GULP1: variants seen among roughly 807,000 people sequenced by gnomAD.
GULP1 encodes GULP PTB domain containing engulfment adaptor 1.
In GULP1, 19 loss-of-function variants were observed where a neutral mutation model predicts 40.9. The observed-to-expected ratio is 0.46, with a 90% confidence interval of 0.32 to 0.68. GULP1 has a LOEUF of 0.68. Among genes scored for constraint, GULP1 ranks in the 30% least tolerant of loss-of-function variants. The pLI, the probability that GULP1 is intolerant of heterozygous loss-of-function variation, is 0.03. For synonymous variants in GULP1, 119 were observed against 117.6 expected (o/e 1.01, Z -0.08); for missense variants, 312 against 362.2 (o/e 0.86, Z 1.12).
intron 2 of GULP1, among the ~76,000 whole-genome samples, chr2:188,395,652 GTGTT>G (rs1559189684): frequency 2.0e-5 from 3 of 152,128 alleles, no homozygotes; most frequent in Admixed American, 6.5e-5. Flanking sequence ...GTCCCATGAG[GTGTT>G]CCCTTGATAT....
intron 3 of GULP1, among the ~76,000 whole-genome samples, chr2:188,481,236 T>C (rs1261711315): frequency 2.6e-5 from 4 of 152,006 alleles, no homozygotes; most frequent in Non-Finnish European, 5.9e-5. Flanking sequence ...TTTTCATATA[T>C]CTAATACCTT....
intron 2 of GULP1, among the ~76,000 whole-genome samples, chr2:188,434,906 T>C (rs1173338782): frequency 1.3e-5 from 2 of 152,068 alleles, no homozygotes; most frequent in Non-Finnish European, 2.9e-5. Flanking sequence ...TATAATCTTA[T>C]CACAACTTTA....
chr2:188,305,368 C>G (rs920123937), intron 1 of GULP1, among the ~76,000 whole-genome samples: 2 of 152,124 alleles, frequency 1.3e-5, no homozygotes, highest in African/African-American at 4.8e-5. Context: ...TGATTGACAA[C>G]CAACAGTGTA....
At chr2:188,361,773 A>G (rs918591194) in intron 1 of GULP1, among the ~76,000 whole-genome samples, 1 of 152,094 alleles carries the variant, frequency 6.6e-6, no homozygotes, top group Non-Finnish European at 1.5e-5. Context: ...TACCATGCCT[A>G]TGATGTATAT....
intron 1 of GULP1, among the ~76,000 whole-genome samples, chr2:188,316,837 G>A (rs2039157945): frequency 6.6e-6 from 1 of 151,994 alleles, no homozygotes; most frequent in African/African-American, 2.4e-5. Flanking sequence ...ATATTCCTAG[G>A]AACCCAAAAC....
At chr2:188,407,151 G>A (rs2053232986) in intron 2 of GULP1, among the ~76,000 whole-genome samples, 1 of 152,064 alleles carries the variant, frequency 6.6e-6, no homozygotes, top group Non-Finnish European at 1.5e-5. Context: ...ATTTTACCTG[G>A]AAGAGCTCTT....
intron 7 of GULP1, among the ~76,000 whole-genome samples, chr2:188,562,662 A>C (rs1004463172): frequency 3.3e-5 from 5 of 152,002 alleles, no homozygotes; most frequent in Non-Finnish European, 5.9e-5. Flanking sequence ...ACCAAAAAAA[A>C]CCCCCAAAAC....
chr2:188,471,342 A>G (rs904707254), intron 2 of GULP1, among the ~76,000 whole-genome samples: 3 of 151,686 alleles, frequency 2.0e-5, no homozygotes, highest in Admixed American at 6.6e-5. Context: ...TTTTGATTGG[A>G]GAGTTTCGTC....
chr2:188,580,481 AG>A, intron 9 of GULP1, among the ~76,000 whole-genome samples: 1 of 148,834 alleles, frequency 6.7e-6, no homozygotes, highest in East Asian at 2.0e-4. Flanking sequence ...TGAACCCGGG[AG>A]GCGGAGCTTG....
At chr2:188,339,871 G>C (rs2042737713) in intron 1 of GULP1, among the ~76,000 whole-genome samples, 1 of 152,136 alleles carries the variant, frequency 6.6e-6, no homozygotes, top group African/African-American at 2.4e-5. Flanking sequence ...TGTAAAATAG[G>C]AATCACTGCC....
chr2:188,341,305 G>T (rs1034066097), intron 1 of GULP1, among the ~76,000 whole-genome samples: 20 of 152,092 alleles, frequency 1.3e-4, no homozygotes, highest in Admixed American at 1.3e-3. Flanking sequence ...GGAAGGTGCC[G>T]CACACTTCTA....
intron 4 of GULP1, among the ~76,000 whole-genome samples, chr2:188,514,775 G>C (rs2065010557): frequency 6.6e-6 from 1 of 152,232 alleles, no homozygotes; most frequent in South Asian, 2.1e-4. Context: ...AAATATTCCT[G>C]TATGCCTCTT....
intron 7 of GULP1, among the ~76,000 whole-genome samples, chr2:188,563,448 AAAG>A (rs1167339406): frequency 6.6e-6 from 1 of 150,826 alleles, no homozygotes; most frequent in African/African-American, 2.4e-5. Flanking sequence ...AATTGACAGA[AAAG>A]AAGTAGAAAA....
At chr2:188,578,656 T>C (rs1338533475) in intron 9 of GULP1, among the ~76,000 whole-genome samples, 1 of 152,158 alleles carries the variant, frequency 6.6e-6, no homozygotes, top group Non-Finnish European at 1.5e-5. Context: ...CATATAATTT[T>C]TGAGCACAGA....
chr2:188,347,213 T>C (rs577969635), intron 1 of GULP1, among the ~76,000 whole-genome samples: 4 of 152,258 alleles, frequency 2.6e-5, no homozygotes, highest in East Asian at 3.9e-4. Flanking sequence ...CTGTAGAATT[T>C]ATTATTAACT....
chr2:188,369,962 C>T (rs2047385668), intron 1 of GULP1, among the ~76,000 whole-genome samples: 2 of 152,132 alleles, frequency 1.3e-5, no homozygotes, highest in African/African-American at 4.8e-5. Flanking sequence ...TCCTTCTTAG[C>T]GTCTCAAGTA....
At chr2:188,297,691 A>G in intron 1 of GULP1, 1 of 287,984 alleles carries the variant, frequency 3.5e-6, no homozygotes, top group Non-Finnish European at 7.1e-6. Context: ...CAGAGCATAC[A>G]TAATCTACTG....
At chr2:188,341,561 GA>G (rs1374067512) in intron 1 of GULP1, among the ~76,000 whole-genome samples, 1 of 152,016 alleles carries the variant, frequency 6.6e-6, no homozygotes, top group Non-Finnish European at 1.5e-5. Context: ...GCCTGCTGGA[GA>G]AAAAAGACTA....
At chr2:188,487,640 C>T (rs573746803) in intron 4 of GULP1, among the ~76,000 whole-genome samples, 16 of 68,286 alleles carry the variant, frequency 2.3e-4, no homozygotes, top group East Asian at 2.3e-3. Context: ...AGAAATATAA[C>T]GCATTCCTTG....
Sources: gnomAD v4.1 joint callset for allele counts (sites outside exome capture counted in the v4.1 genomes callset) on GRCh38, gnomAD v4.1.1 for gene constraint, MANE v1.5 for transcripts, NCBI Gene and HGNC (gene_info 2026-07-23, HGNC 2026-07-21) for gene names.